The following MUC12 variants were observed in gnomAD, a reference collection of about 807,000 sequenced individuals.
The protein encoded by MUC12 is mucin-12.
A neutral mutation model predicts 230.8 loss-of-function variants in MUC12; 172 were observed. The observed-to-expected ratio is 0.75, with a 90% CI of 0.66 to 0.85. The LOEUF is 0.85. MUC12 is among the 40% of genes least tolerant of loss of function. MUC12 has a pLI of 0.00. For synonymous variants in MUC12, 1,259 were observed against 2,401.9 expected (o/e 0.52, Z 13.91); for missense variants, 3,506 against 5,920.6 (o/e 0.59, Z 13.38).
At chr7:101,015,264 C>T (rs1029176370) in intron 9 of MUC12, 1 of 260,572 alleles carries the variant, frequency 3.8e-6, no homozygotes, top group African/African-American at 2.2e-5. Context: ...CTCACTTTTC[C>T]CAGCTGTAAA....
At chr7:101,007,439 G>A (rs761352695) in intron 3 of MUC12, among the ~76,000 whole-genome samples, 1 of 151,928 alleles carries the variant, frequency 6.6e-6, no homozygotes, top group South Asian at 2.1e-4. Flanking sequence ...ATCCTTCTAC[G>A]CTCTGCCTCC....
Position 101,006,385 on chromosome 7 carries a change from G to T in MUC12, c.14957-86G>T, listed in dbSNP as rs539335479. On this transcript the variant is annotated intron_variant, in intron 2 of 11. Transcript: ENST00000536621. The stretch of plus-strand genomic sequence containing the variant: ...GCATCGTCCTGCTCTCCAGTGCGAT[G>T]CTGAGTGACTGGACCTGGAATGGGA... The T allele has an allele frequency of 1.9e-5, 17 of 881,758 alleles. 1 individual carries two copies. The Admixed American group carries it at 2.2e-4, about 11-fold the overall frequency. 54.6% of individuals were successfully genotyped at this position (881,758 alleles called of 1,614,324 possible). A position where few individuals can be genotyped will look rare whatever the true frequency, so the allele number is the denominator to read the frequency against.
At position 100,993,914 on chromosome 7, in the gene MUC12, T is replaced by G; in HGVS notation, c.3351T>G (p.Pro1117=). The G allele has an allele frequency of 2.0e-6, 3 of 1,491,856 alleles. No homozygotes were observed. Among genetic ancestry groups the G allele is most frequent in the Admixed American group, 2.1e-5 (1 of 47,790 alleles). 92.4% of individuals were successfully genotyped at this position (1,491,856 alleles called of 1,614,324 possible). A position where few individuals can be genotyped will look rare whatever the true frequency, so the allele number is the denominator to read the frequency against. Residue 1117 remains proline (P), a synonymous_variant, in exon 2 of 12, where the codon CCT becomes CCG. Coordinates refer to ENST00000536621, the MANE Select transcript of MUC12 (RefSeq NM_001164462.2). ...SPRSPTTTLS[P]ASMTSLGVGE... ...GATCACCAACCACAACACTCTCACCTGCCAGCATGACAAGCCTGGGCGTCG... is the reference window on the plus strand; with the variant it reads ...GATCACCAACCACAACACTCTCACCGGCCAGCATGACAAGCCTGGGCGTCG...
intron 5 of MUC12, among the ~76,000 whole-genome samples, chr7:101,011,502 G>T (rs769034912): frequency 6.6e-6 from 1 of 152,124 alleles, no homozygotes; most frequent in Non-Finnish European, 1.5e-5. Context: ...GCTCAACACA[G>T]CCTCAAACTC....
intron 1 of MUC12, chr7:100,972,198 G>T (rs1372184681): frequency 2.8e-6 from 2 of 703,040 alleles, no homozygotes; most frequent in Admixed American, 2.0e-5. Flanking sequence ...AGGAAGTCGG[G>T]GCAGATGAGG....
Position 100,995,645 on chromosome 7 carries a change from C to G in MUC12, c.5082C>G (p.Ser1694Arg), listed in dbSNP as rs1256618553. 4.6e-6 allele frequency: 7 copies of G among 1,537,160 alleles called. No individual in the cohort carries two copies. The highest frequency in any genetic ancestry group is 3.3e-4 in the Middle Eastern group (2 of 5,990). ...GESTTFQSWP[S>R]SKDTMPAPPT... ...CTACCACCTTCCAGAGCTGGCCAAG[C>G]TCAAAGGACACTATGCCTGCACCTC... Residue 1694 changes from serine to arginine, a missense_variant, in exon 2 of 12, where the codon AGC becomes AGG. Transcript: ENST00000536621.
chr7:100,978,118 AT>A (rs1225934143), intron 1 of MUC12, among the ~76,000 whole-genome samples: 1 of 152,150 alleles, frequency 6.6e-6, no homozygotes, highest in Non-Finnish European at 1.5e-5. Context: ...TCGAGGATAT[AT>A]TTTGGGGTGA....
intron 2 of MUC12, among the ~76,000 whole-genome samples, chr7:101,005,792 T>G (rs1793738592): frequency 9.7e-6 from 1 of 102,778 alleles, no homozygotes; most frequent in Non-Finnish European, 1.9e-5. Context: ...TGAACCCCTC[T>G]TCTCTGGATT....
intron 2 of MUC12, 61 bp downstream of exon 2, chr7:101,005,580 C>G: frequency 6.9e-7 from 1 of 1,459,768 alleles, no homozygotes; most frequent in Non-Finnish European, 9.1e-7. Context: ...CATGAGTCTT[C>G]TTCATCCATT....
intron 1 of MUC12, among the ~76,000 whole-genome samples, chr7:100,975,289 G>C (rs1563084625): frequency 6.6e-6 from 1 of 152,312 alleles, no homozygotes; most frequent in Admixed American, 6.5e-5. Flanking sequence ...GGGACCAACT[G>C]TCTGCCCTGG....
chr7:100,990,772 A>C lies in MUC12; in HGVS notation c.209A>C (p.Asp70Ala), dbSNP rs1483202787. 8 of 1,537,716 alleles carry C rather than the reference A, an allele frequency of 5.2e-6. No homozygotes were observed. The highest frequency in any genetic ancestry group is 2.0e-5 in the Admixed American group (1 of 50,976). The change falls in exon 2 of 12, where the codon GAC (aspartate) becomes GCC (alanine). Residue 70 changes from aspartate to alanine, a missense_variant. Asp to Ala is a moderately radical substitution (Grantham distance 126). Coordinates refer to ENST00000536621, the MANE Select transcript of MUC12 (RefSeq NM_001164462.2). ...TGSTATKHFL[D>A]SSTNSGHSEE... ...TCAACTGCAACAAAACACTTCCTTG[A>C]CAGCTCCACAAACTCAGGCCACAGT...
rs1375825744 is a variant in MUC12, at chr7:101,017,605, T to C, written c.15908T>C (p.Leu5303Pro). Residue 5303 changes from leucine (L) to proline (P), a missense_variant, in exon 11 of 12, where the codon CTT (leucine) becomes CCT (proline). Transcript: ENST00000536621. ...AATCTGAGGGAGAGCAGATTCGGCC[T>C]TGAGAACGCCTACAACAACTTCCGG... ...DQNLRESRFG[L>P]ENAYNNFRPT... 6 of 1,535,984 alleles carry C rather than the reference T, an allele frequency of 3.9e-6. No homozygotes were observed. The highest frequency in any genetic ancestry group is 5.2e-6 in the Non-Finnish European group (6 of 1,146,122).
At position 101,004,777 on chromosome 7, in the gene MUC12, T is replaced by A; in HGVS notation, c.14214T>A (p.Ser4738=). Residue 4738 remains serine (S), a synonymous_variant, in exon 2 of 12, where the codon TCT becomes TCA. Transcript: ENST00000536621. ...TATTPGLSAK[S]TILYSSSRSP... ...CAACACCAGGCCTCAGTGCAAAATC[T>A]ACCATCCTTTACAGTAGCTCCAGAT... 6.5e-7 allele frequency: 1 copy of A among 1,537,680 alleles called. No homozygotes were observed. The highest frequency in any genetic ancestry group is 8.7e-7 in the Non-Finnish European group (1 of 1,147,022).
intron 5 of MUC12, among the ~76,000 whole-genome samples, chr7:101,010,015 G>A (rs1793816707): frequency 1.3e-5 from 2 of 152,196 alleles, no homozygotes; most frequent in Non-Finnish European, 2.9e-5. Context: ...GCAGAAGCCT[G>A]TACTGGAGAT....
At chr7:100,971,188 A>C (rs1413330803) in intron 1 of MUC12, among the ~76,000 whole-genome samples, 1 of 19,596 alleles carries the variant, frequency 5.1e-5, no homozygotes, top group Non-Finnish European at 1.2e-4. Flanking sequence ...AAACAAAAAA[A>C]AAACAAACCG....
Position 100,991,017 on chromosome 7 carries a change from T to C in MUC12, c.454T>C (p.Ser152Pro). 1 of 1,537,722 alleles carries C rather than the reference T, an allele frequency of 6.5e-7. No homozygotes were observed. Among genetic ancestry groups the C allele is most frequent in the Non-Finnish European group, 8.7e-7 (1 of 1,147,012 alleles). Residue 152 changes from serine to proline, a missense_variant, in exon 2 of 12, where the codon TCA becomes CCA. Physicochemically the swap from Ser to Pro is moderately conservative, Grantham distance 74 (BLOSUM62 -1). Transcript: ENST00000536621. ...SSPRSPDRTLSPARTTSSGVS... is the reference protein window; with the variant it reads ...SSPRSPDRTLPPARTTSSGVS... ...CCCCAGATCACCAGACAGAACACTC[T>C]CACCTGCCCGCACGACAAGCTCAGG...
rs574818358 is a variant in MUC12, at chr7:100,995,664, G to T, written c.5101G>T (p.Ala1701Ser). The T allele has an allele frequency of 8.2e-5, 126 of 1,537,132 alleles. 7 individuals are homozygous for T. The African/African-American group carries it at 1.5e-3, about 19-fold the overall frequency. ...SWPSSKDTMP[A>S]PPTTTSAFVE... ...GCCAAGCTCAAAGGACACTATGCCT[G>T]CACCTCCTACTACCACATCAGCCTT... Residue 1701 changes from alanine (A) to serine (S), a missense_variant, in exon 2 of 12, where the codon GCA (alanine) becomes TCA (serine). Transcript: ENST00000536621.
chr7:100,990,876 T>A lies in MUC12; in HGVS notation c.313T>A (p.Phe105Ile). The change falls in exon 2 of 12, where the codon TTT becomes ATT. Residue 105 changes from phenylalanine to isoleucine, a missense_variant. Phe to Ile is a conservative substitution (Grantham distance 21). Transcript: ENST00000536621. ...LFPSHSATSV[F>I]VGEPKTSPIT... is the part of the protein sequence containing the mutation. ...CCCTTCCCACTCTGCAACCTCAGTT[T>A]TTGTTGGAGAACCTAAAACCTCACC... is the stretch of plus-strand genomic sequence containing the variant. 1 of 1,537,730 alleles carries A rather than the reference T, an allele frequency of 6.5e-7. No homozygotes were observed. The highest frequency in any genetic ancestry group is 8.7e-7 in the Non-Finnish European group (1 of 1,147,026).
chr7:101,008,175 G>T (rs948969488), intron 3 of MUC12, among the ~76,000 whole-genome samples: 1 of 151,896 alleles, frequency 6.6e-6, no homozygotes, highest in Non-Finnish European at 1.5e-5. Context: ...GCCCAGGCTG[G>T]AGTGCAGAGG....
Sources: gnomAD v4.1 joint callset for allele counts (sites outside exome capture counted in the v4.1 genomes callset) on GRCh38, gnomAD v4.1.1 for gene constraint, MANE v1.5 for transcripts, NCBI Gene and HGNC (gene_info 2026-07-23, HGNC 2026-07-21) for gene names.